CRTAP: variants seen among roughly 807,000 people sequenced by gnomAD.
CRTAP encodes cartilage-associated protein.
In CRTAP, 33 loss-of-function variants were observed where a neutral mutation model predicts 42.7. The ratio of observed to expected loss-of-function variants is 0.77; its 90% CI spans 0.59 to 1.03. The LOEUF (loss-of-function observed/expected upper bound fraction) is 1.03, where lower values mean the gene tolerates loss of function less well. Among genes scored for constraint, CRTAP ranks in the 50% least tolerant of loss-of-function variants. The pLI is 0.00. For synonymous variants in CRTAP, 243 were observed against 217.7 expected, an observed-to-expected ratio of 1.12 and a Z score of -1.02; for missense variants, 613 against 533.9, an observed-to-expected ratio of 1.15 and a Z score of -1.46.
intron 1 of CRTAP, among the ~76,000 whole-genome samples, chr3:33,114,769 T>C (rs1701324994): frequency 6.6e-6 from 1 of 152,202 alleles, no homozygotes. Flanking sequence ...AGGTAGAGAA[T>C]ACGTACACAG....
chr3:33,127,810 G>A (rs577458483), intron 3 of CRTAP, among the ~76,000 whole-genome samples: 2 of 150,450 alleles, frequency 1.3e-5, no homozygotes, highest in East Asian at 2.0e-4. Context: ...GCAGTGGTGC[G>A]ATCTTGGCTC....
At chr3:33,125,427 C>T (rs543184134) in intron 3 of CRTAP, among the ~76,000 whole-genome samples, 39 of 127,590 alleles carry the variant, frequency 3.1e-4, no homozygotes, top group African/African-American at 9.7e-4. Context: ...TTGAATCCAG[C>T]GTTTTCGGTT....
At chr3:33,132,431 C>T in intron 4 of CRTAP, 124 bp from the exon 5 acceptor site, 1 of 1,409,936 alleles carries the variant, frequency 7.1e-7, no homozygotes, top group Non-Finnish European at 1.0e-6. Context: ...CCAGTCGGCC[C>T]CAGGCTCTCT....
At position 33,114,291 on chromosome 3, in the gene CRTAP, C is replaced by G; in HGVS notation, c.214C>G (p.Arg72Gly). ...CGTGGGCTACCTGGAGATCAGCCTG[C>G]GGCTGCACCGCTTGCTGCGCGACAG... ...ESVGYLEISLRLHRLLRDSEA... is the reference protein window; with the variant it reads ...ESVGYLEISLGLHRLLRDSEA... The change falls in exon 1 of 7, where the codon CGG becomes GGG. Residue 72 changes from arginine to glycine, a missense_variant. Physicochemically the swap from Arg to Gly is moderately radical, Grantham distance 125. Coordinates refer to ENST00000320954, the MANE Select transcript of CRTAP (RefSeq NM_006371.5). The G allele has an allele frequency of 1.3e-6, 2 of 1,568,914 alleles. No individual in the cohort carries two copies. Among genetic ancestry groups the G allele is most frequent in the African/African-American group, 1.4e-5 (1 of 72,778 alleles).
intron 3 of CRTAP, among the ~76,000 whole-genome samples, chr3:33,126,297 C>T (rs1186159710): frequency 6.6e-6 from 1 of 152,198 alleles, no homozygotes; most frequent in African/African-American, 2.4e-5. Context: ...AGTTGGTTAT[C>T]TTTTATGGCT....
At position 33,147,176 on chromosome 3, in the gene CRTAP, G is replaced by A. The variant is rs2030744337; in HGVS notation, c.*4728G>A. 1 of 152,838 alleles carries A rather than the reference G, an allele frequency of 6.5e-6. No homozygotes were observed. The highest frequency in any genetic ancestry group is 1.5e-5 in the Non-Finnish European group (1 of 68,180). 9.5% of individuals were successfully genotyped at this position (152,838 alleles called of 1,614,324 possible). A position where few individuals can be genotyped will look rare whatever the true frequency, so the allele number is the denominator to read the frequency against. On this transcript the variant is annotated 3_prime_UTR_variant, in exon 7 of 7. Coordinates refer to ENST00000320954, the MANE Select transcript of CRTAP (RefSeq NM_006371.5). Reference sequence around the variant, plus strand: ...AAGAAAAAAAGGAAAGGAACCTTAAGTAAGCCTCAGCCAAAGGTTTTATGC... The same window carrying A: ...AAGAAAAAAAGGAAAGGAACCTTAAATAAGCCTCAGCCAAAGGTTTTATGC...
intron 4 of CRTAP, among the ~76,000 whole-genome samples, chr3:33,132,326 T>G (rs1170996213): frequency 6.6e-6 from 1 of 152,156 alleles, no homozygotes; most frequent in East Asian, 1.9e-4. Flanking sequence ...ACATAGGCAT[T>G]TCTCCATAGG....
At chr3:33,122,291 C>T (rs1460754745) in intron 2 of CRTAP, among the ~76,000 whole-genome samples, 1 of 151,922 alleles carries the variant, frequency 6.6e-6, no homozygotes, top group African/African-American at 2.4e-5. Context: ...TGCTGCTGCC[C>T]CGCTGCTTCT....
chr3:33,114,358 C>G lies in CRTAP; in HGVS notation c.281C>G (p.Pro94Arg), dbSNP rs777442496. The change falls in exon 1 of 7, where the codon CCC becomes CGC. Residue 94 changes from proline (P) to arginine (R), a missense_variant. Physicochemically the swap from Pro to Arg is moderately radical, Grantham distance 103. Coordinates refer to ENST00000320954, the MANE Select transcript of CRTAP (RefSeq NM_006371.5). ...CGCAACTGCAGCGCCGCGCCGCAGC[C>G]CGAGCCCGCCGCCGGCCTCGCCAGC... ...CHRNCSAAPQPEPAAGLASYP... is the reference protein window; with the variant it reads ...CHRNCSAAPQREPAAGLASYP... The G allele has an allele frequency of 1.3e-6, 2 of 1,522,668 alleles. No individual in the cohort carries two copies. The highest frequency in any genetic ancestry group is 2.4e-5 in the South Asian group (2 of 82,240). 94.3% of individuals were successfully genotyped at this position (1,522,668 alleles called of 1,614,324 possible).
At chr3:33,121,484 AG>A (rs2029877981) in intron 2 of CRTAP, among the ~76,000 whole-genome samples, 1 of 149,876 alleles carries the variant, frequency 6.7e-6, no homozygotes, top group Admixed American at 6.6e-5. Flanking sequence ...GCCTGACCAC[AG>A]GGTTTTCTGT....
rs1194244572 is a variant in CRTAP, at chr3:33,132,536, C to T, written c.923-19C>T. 3.0e-5 allele frequency: 48 copies of T among 1,613,588 alleles called. No individual in the cohort carries two copies. Among genetic ancestry groups the T allele is most frequent in the Non-Finnish European group, 4.0e-5 (47 of 1,179,726 alleles). On this transcript the variant is annotated intron_variant, in intron 4 of 6. Transcript: ENST00000320954. ...GTGGTTTGCTGATTTCTTCATTTGT[C>T]TTTTCTTCCCAACCCTAGTGAACGA...
Position 33,142,897 on chromosome 3 carries a change from A to G in CRTAP, c.*449A>G, listed in dbSNP as rs554461628. On this transcript the variant is annotated 3_prime_UTR_variant, in exon 7 of 7. Coordinates refer to ENST00000320954, the MANE Select transcript of CRTAP (RefSeq NM_006371.5). Reference sequence around the variant, plus strand: ...TCGAACTCTTGACTTCAGATGATCCATCTGCCTTGGCCTCCCACAGTGCTG... The same window carrying G: ...TCGAACTCTTGACTTCAGATGATCCGTCTGCCTTGGCCTCCCACAGTGCTG... 2 of 203,598 alleles carry G rather than the reference A, an allele frequency of 9.8e-6. No individual in the cohort carries two copies. The highest frequency in any genetic ancestry group is 2.3e-4 in the East Asian group (2 of 8,830). The allele number at this position is 203,598 out of a possible 1,614,324, so 12.6% of individuals were successfully genotyped here. A position where few individuals can be genotyped will look rare whatever the true frequency, so the allele number is the denominator to read the frequency against.
intron 6 of CRTAP, among the ~76,000 whole-genome samples, chr3:33,140,719 T>A (rs1224189348): frequency 6.6e-6 from 1 of 152,200 alleles, no homozygotes; most frequent in Non-Finnish European, 1.5e-5. Flanking sequence ...CAAGTTCTGA[T>A]GGTTGTTTGC....
At chr3:33,141,139 A>C (rs992976934) in intron 6 of CRTAP, among the ~76,000 whole-genome samples, 5 of 152,212 alleles carry the variant, frequency 3.3e-5, no homozygotes, top group Non-Finnish European at 7.4e-5. Context: ...AGGCCCCAAC[A>C]GTATTCACTA....
chr3:33,115,838 G>A (rs1273704451), intron 1 of CRTAP, among the ~76,000 whole-genome samples: 1 of 151,294 alleles, frequency 6.6e-6, no homozygotes, highest in Non-Finnish European at 1.5e-5. Flanking sequence ...CCCAAAGAGG[G>A]GAAAAGCTGG....
chr3:33,124,676 T>A, intron 3 of CRTAP, 97 bp downstream of exon 3: 1 of 1,441,274 alleles, frequency 6.9e-7, no homozygotes, highest in East Asian at 2.3e-5. Context: ...TGGAGCAGCC[T>A]CTGAGGAATT....
intron 4 of CRTAP, among the ~76,000 whole-genome samples, chr3:33,131,464 C>A (rs962955209): frequency 6.6e-6 from 1 of 152,130 alleles, no homozygotes; most frequent in African/African-American, 2.4e-5. Flanking sequence ...TGGATGCATG[C>A]GGGCTCTGGC....
In CRTAP at chr3:33,147,576, C is replaced by T. The variant is rs530054836; in HGVS notation, c.*5128C>T. 6.6e-6 allele frequency: 1 copy of T among 152,302 alleles called. No individual in the cohort carries two copies. Among genetic ancestry groups the T allele is most frequent in the African/African-American group, 2.4e-5 (1 of 41,566 alleles). 9.4% of individuals were successfully genotyped at this position (152,302 alleles called of 1,614,324 possible). On this transcript the variant is annotated 3_prime_UTR_variant, in exon 7 of 7. Transcript: ENST00000320954. ...TTGGCCAACAGATACAAGATAGATT[C>T]CAGAGTTTTATCTCCCACTTTAGGG...
intron 3 of CRTAP, among the ~76,000 whole-genome samples, chr3:33,128,429 A>G (rs758889213): frequency 1.3e-5 from 2 of 152,162 alleles, no homozygotes; most frequent in Non-Finnish European, 2.9e-5. Flanking sequence ...TACTTTGTCA[A>G]CATTCCTCAA....
Sources: gnomAD v4.1 joint callset for allele counts (sites outside exome capture counted in the v4.1 genomes callset) on GRCh38, gnomAD v4.1.1 for gene constraint, MANE v1.5 for transcripts, NCBI Gene and HGNC (gene_info 2026-07-23, HGNC 2026-07-21) for gene names.